The following JAKMIP1 variants were observed in gnomAD, a reference collection of about 807,000 sequenced individuals.
The protein encoded by JAKMIP1 is janus kinase and microtubule interacting protein 1, also known as janus kinase and microtubule-interacting protein 1.
In JAKMIP1, 33 loss-of-function variants were observed where a neutral mutation model predicts 113.0. The observed-to-expected ratio is 0.29, with a 90% CI of 0.22 to 0.39. The LOEUF is 0.39. Ranked by LOEUF, JAKMIP1 falls within the 10% of genes least tolerant of loss-of-function variation. JAKMIP1 has a pLI of 1.00. For synonymous variants in JAKMIP1, 480 were observed against 459.9 expected (o/e 1.04, Z -0.56); for missense variants, 813 against 1,080.5 (o/e 0.75, Z 3.47).
chr4:6,101,268 G>GGTGT (rs377707689), intron 3 of JAKMIP1, among the ~76,000 whole-genome samples: 50 of 150,826 alleles, frequency 3.3e-4, no homozygotes, highest in African/African-American at 9.2e-4. Context: ...GAGTGTGTGT[G>GGTGT]GTGTGTGTGT....
intron 1 of JAKMIP1, among the ~76,000 whole-genome samples, chr4:6,166,608 C>A (rs1723666263): frequency 6.6e-6 from 1 of 152,222 alleles, no homozygotes; most frequent in South Asian, 2.1e-4. Flanking sequence ...ATAATGAGAA[C>A]AACAGGTGTG....
In JAKMIP1 at chr4:6,081,557, C is replaced by A; in HGVS notation, c.1101+52G>T. ...ATCGGGAGGTTCAGGGCTGAAGAAT[C>A]CCAGACAGAGAAGGGAGTGTCAGGG... On this transcript the variant is annotated intron_variant, in intron 6 of 20. Transcript: ENST00000409021. The surrounding 1 kb of genome is among the most constrained non-coding windows in gnomAD (Gnocchi z 4.6). 1 of 1,606,758 alleles carries A rather than the reference C, an allele frequency of 6.2e-7. No homozygotes were observed. The highest frequency in any genetic ancestry group is 1.1e-5 in the South Asian group (1 of 89,910).
chr4:6,072,287 A>G (rs913116190), intron 8 of JAKMIP1, among the ~76,000 whole-genome samples: 5 of 152,200 alleles, frequency 3.3e-5, no homozygotes, highest in Non-Finnish European at 7.3e-5. Context: ...AAAGGCTCAG[A>G]TCTGTCTCCA....
In JAKMIP1 at chr4:6,162,636, C is replaced by G. The variant is rs143788972; in HGVS notation, c.-148+37617G>C. Among the ~76,000 whole-genome samples the G allele has an allele frequency of 6.6e-6, 1 of 152,200 alleles. No individual in the cohort carries two copies. Among genetic ancestry groups the G allele is most frequent in the Non-Finnish European group, 1.5e-5 (1 of 68,038 alleles). ...ACCTGCCAAGCTCAGTGTGGCACTG[C>G]CCATCTGTTAGCTCCTTAACTGTCA... On this transcript the variant is annotated intron_variant, in intron 1 of 20. Coordinates refer to ENST00000409021, the MANE Select transcript of JAKMIP1 (RefSeq NM_001099433.2). This position sits in a 1 kb window ranked among gnomAD's most constrained non-coding sequence, Gnocchi z 5.6.
chr4:6,182,466 G>A (rs1726157019), intron 1 of JAKMIP1, among the ~76,000 whole-genome samples: 1 of 151,688 alleles, frequency 6.6e-6, no homozygotes, highest in African/African-American at 2.4e-5. Context: ...AAAAAGGAGG[G>A]GGACACAAGA....
At position 6,067,554 on chromosome 4, in the gene JAKMIP1, C is replaced by T. The variant is rs1718275422; in HGVS notation, c.1303-2546G>A. Among the ~76,000 whole-genome samples the T allele has an allele frequency of 6.6e-6, 1 of 151,934 alleles. No homozygotes were observed. The highest frequency in any genetic ancestry group is 2.4e-5 in the African/African-American group (1 of 41,338). ...TAGTGACATCCCATGGTGACAATGG[C>T]ACCCACGGGAGTGATGCATCTGCAG... On this transcript the variant is annotated intron_variant, in intron 8 of 20. Coordinates refer to ENST00000409021, the MANE Select transcript of JAKMIP1 (RefSeq NM_001099433.2). The surrounding 1 kb of genome is among the most constrained non-coding windows in gnomAD (Gnocchi z 4.6).
In JAKMIP1 at chr4:6,199,074, G is replaced by A. The variant is rs1002958521; in HGVS notation, c.-148+1179C>T. On this transcript the variant is annotated intron_variant, in intron 1 of 20. Coordinates refer to ENST00000409021, the MANE Select transcript of JAKMIP1 (RefSeq NM_001099433.2). This position sits in a 1 kb window ranked among gnomAD's most constrained non-coding sequence, Gnocchi z 5.6. ...TCCAGGAAAGCTCAGGAGGGGCAAG[G>A]GGATCTCCCTGACTACAAGGAGCTG... Among the ~76,000 whole-genome samples, 3 of 152,270 alleles carry A rather than the reference G, an allele frequency of 2.0e-5. No homozygotes were observed. The highest frequency in any genetic ancestry group is 4.4e-5 in the Non-Finnish European group (3 of 68,048).
rs200885862 is a variant in JAKMIP1, at chr4:6,137,562, C to T, written c.-147-24565G>A. Among the ~76,000 whole-genome samples the T allele has an allele frequency of 6.6e-6, 1 of 152,198 alleles. No homozygotes were observed. The highest frequency in any genetic ancestry group is 1.9e-4 in the East Asian group (1 of 5,188). On this transcript the variant is annotated intron_variant, in intron 1 of 20. Transcript: ENST00000409021. This position sits in a 1 kb window ranked among gnomAD's most constrained non-coding sequence, Gnocchi z 4.5. ...GATTTGGTTGAACGTTCCAGATGGC[C>T]TCACTCGAGAGACGCTCTTTTTCAG...
At chr4:6,171,414 T>C (rs1413047434) in intron 1 of JAKMIP1, among the ~76,000 whole-genome samples, 3 of 148,234 alleles carry the variant, frequency 2.0e-5, no homozygotes, top group Non-Finnish European at 4.5e-5. Flanking sequence ...ACCACCACCA[T>C]CATCACCACT....
At chr4:6,174,055 T>TAC (rs1560324431) in intron 1 of JAKMIP1, among the ~76,000 whole-genome samples, 5 of 152,178 alleles carry the variant, frequency 3.3e-5, no homozygotes, top group East Asian at 1.9e-4. Flanking sequence ...TCTGAAAATA[T>TAC]ATACATACAT....
In JAKMIP1 at chr4:6,193,737, G is replaced by C; in HGVS notation, c.-148+6516C>G. Among the ~76,000 whole-genome samples, 1 of 152,282 alleles carries C rather than the reference G, an allele frequency of 6.6e-6. No homozygotes were observed. Among genetic ancestry groups the C allele is most frequent in the Non-Finnish European group, 1.5e-5 (1 of 68,020 alleles). On this transcript the variant is annotated intron_variant, in intron 1 of 20. Coordinates refer to ENST00000409021, the MANE Select transcript of JAKMIP1 (RefSeq NM_001099433.2). The surrounding 1 kb of genome is among the most constrained non-coding windows in gnomAD (Gnocchi z 6.4). ...AGTCAAGGCTGGGAGCCCCCAGCAC[G>C]ATGCTGATCATGGGAGGCTGAACTG...
chr4:6,173,680 G>A (rs1725007182), intron 1 of JAKMIP1, among the ~76,000 whole-genome samples: 3 of 152,168 alleles, frequency 2.0e-5, no homozygotes, highest in Admixed American at 6.5e-5. Flanking sequence ...ATAGATGTGT[G>A]TATTTCTATC....
Position 6,135,708 on chromosome 4 carries a change from AC to A in JAKMIP1, c.-147-22712del, listed in dbSNP as rs1456078780. Among the ~76,000 whole-genome samples the A allele has an allele frequency of 6.6e-6, 1 of 152,142 alleles. No individual in the cohort carries two copies. The highest frequency in any genetic ancestry group is 1.5e-5 in the Non-Finnish European group (1 of 68,022). ...TCTTGCCCCATGTTACCTATGACAA[AC>A]CAGAGGCTCTGAGAGCCACAGCCAG... On this transcript the variant is annotated intron_variant, in intron 1 of 20. Transcript: ENST00000409021. The surrounding 1 kb of genome is among the most constrained non-coding windows in gnomAD (Gnocchi z 4.9).
chr4:6,061,961 G>T lies in JAKMIP1; in HGVS notation c.1560+351C>A, dbSNP rs1482992657. Among the ~76,000 whole-genome samples, 1 of 152,204 alleles carries T rather than the reference G, an allele frequency of 6.6e-6. No homozygotes were observed. Among genetic ancestry groups the T allele is most frequent in the Non-Finnish European group, 1.5e-5 (1 of 68,044 alleles). ...TCTGGTGGATGTCCTGGAGGGCGGG[G>T]GGCTGGCAGCCCTGGAGGGAGCGGA... On this transcript the variant is annotated intron_variant, in intron 10 of 20. Transcript: ENST00000409021. This position sits in a 1 kb window ranked among gnomAD's most constrained non-coding sequence, Gnocchi z 5.3.
intron 8 of JAKMIP1, among the ~76,000 whole-genome samples, 178 bp downstream of exon 8, chr4:6,078,761 G>A (rs376842293): frequency 3.0e-4 from 45 of 152,224 alleles, no homozygotes; most frequent in Admixed American, 8.5e-4. Context: ...CACATGACAC[G>A]GCCATATTTA....
chr4:6,118,784 G>A (rs1032922338), intron 1 of JAKMIP1, among the ~76,000 whole-genome samples: 1 of 152,178 alleles, frequency 6.6e-6, no homozygotes, highest in African/African-American at 2.4e-5. Context: ...TCTGGCCAAT[G>A]AGGGCTGAGG....
At position 6,054,897 on chromosome 4, in the gene JAKMIP1, C is replaced by G. The variant is rs1254702622; in HGVS notation, c.1708-749G>C. 3 of 455,832 alleles carry G rather than the reference C, an allele frequency of 6.6e-6. No individual in the cohort carries two copies. In the Admixed American group the frequency reaches 7.1e-5, roughly 11 times the overall value. 28.2% of individuals were successfully genotyped at this position (455,832 alleles called of 1,614,324 possible). A position where few individuals can be genotyped will look rare whatever the true frequency, so the allele number is the denominator to read the frequency against. On this transcript the variant is annotated intron_variant, in intron 12 of 20. Transcript: ENST00000409021. The stretch of plus-strand genomic sequence containing the variant: ...GGGCCCTCTGCCAGGTGATCCCACC[C>G]CCGGGAGACCTTTAGAAATGGGATG...
rs1368866253 is a variant in JAKMIP1 at position 6,061,318 on chromosome 4, C to T, written c.1561-811G>A. ...AAAGACTGGGCCTTTTATGGTGGGA[C>T]AAGCAGCTTCCCTCCCTGCTGACCT... On this transcript the variant is annotated intron_variant, in intron 10 of 20. Transcript: ENST00000409021. This position sits in a 1 kb window ranked among gnomAD's most constrained non-coding sequence, Gnocchi z 5.3. Among the ~76,000 whole-genome samples the T allele has an allele frequency of 6.6e-6, 1 of 152,206 alleles. No homozygotes were observed. Among genetic ancestry groups the T allele is most frequent in the Non-Finnish European group, 1.5e-5 (1 of 68,040 alleles).
chr4:6,141,173 T>C lies in JAKMIP1; in HGVS notation c.-147-28176A>G, dbSNP rs1720095690. On this transcript the variant is annotated intron_variant, in intron 1 of 20. Coordinates refer to ENST00000409021, the MANE Select transcript of JAKMIP1 (RefSeq NM_001099433.2). This position sits in a 1 kb window ranked among gnomAD's most constrained non-coding sequence, Gnocchi z 9.4. ...AGACGAGGCCGGGCGCAGTGGCTCA[T>C]GCCTGTAATCCCAACACTTTGGGAT... Among the ~76,000 whole-genome samples, 1 of 152,212 alleles carries C rather than the reference T, an allele frequency of 6.6e-6. No homozygotes were observed. The highest frequency in any genetic ancestry group is 1.5e-5 in the Non-Finnish European group (1 of 68,044).
Sources: allele counts gnomAD v4.1 joint callset (sites outside exome capture counted in the v4.1 genomes callset), GRCh38; gene constraint gnomAD v4.1.1; non-coding constraint Gnocchi (gnomAD v3.1); transcripts MANE v1.5; gene names NCBI Gene and HGNC (gene_info 2026-07-23, HGNC 2026-07-21).